The following LARP4B variants were observed in gnomAD, a reference collection of about 807,000 sequenced individuals.
LARP4B encodes la-related protein 4B.
LARP4B carries 12 observed loss-of-function variants against 89.8 expected under a neutral mutation model. The ratio of observed to expected loss-of-function variants is 0.13; its 90% CI spans 0.09 to 0.22. The LOEUF (loss-of-function observed/expected upper bound fraction) is 0.22. LARP4B is among the 10% of genes least tolerant of loss of function. The pLI is 1.00. For missense variants in LARP4B, 757 were observed against 947.7 expected (o/e 0.80, Z 2.64); for synonymous variants, 367 against 363.3 (o/e 1.01, Z -0.12).
At chr10:916,415 G>C (rs1836824061) in intron 1 of LARP4B, among the ~76,000 whole-genome samples, 1 of 152,038 alleles carries the variant, frequency 6.6e-6, no homozygotes, top group Non-Finnish European at 1.5e-5. Flanking sequence ...CAAGGTCTTG[G>C]CTGGGCGCGA....
intron 1 of LARP4B, among the ~76,000 whole-genome samples, chr10:915,526 C>T (rs537112727): frequency 9.7e-4 from 148 of 151,916 alleles, no homozygotes; most frequent in Non-Finnish European, 3.4e-4. Context: ...TTTTTTTGGC[C>T]GGGTGCAGTG....
chr10:877,657 G>A (rs1224423541), intron 3 of LARP4B, among the ~76,000 whole-genome samples: 2 of 152,152 alleles, frequency 1.3e-5, no homozygotes, highest in African/African-American at 2.4e-5. Context: ...GGTAAGACAG[G>A]TGTAGGGCTA....
intron 1 of LARP4B, among the ~76,000 whole-genome samples, chr10:890,913 A>G (rs1275455999): frequency 6.6e-6 from 1 of 152,178 alleles, no homozygotes; most frequent in African/African-American, 2.4e-5. Context: ...GAAATCCAGA[A>G]ACTAAAGACA....
rs1349581592 is a variant in LARP4B, at chr10:814,545, A to G, written c.1929+197T>C. 1 of 1,234,896 alleles carries G rather than the reference A, an allele frequency of 8.1e-7. No individual in the cohort carries two copies. Among genetic ancestry groups the G allele is most frequent in the Non-Finnish European group, 1.1e-6 (1 of 870,550 alleles). 76.5% of individuals were successfully genotyped at this position (1,234,896 alleles called of 1,614,324 possible). ...AAAGGACTACATGGTGGTCTGAGAA[A>G]GAACTAGAGTAGTTAGTGGAAAATT... On this transcript the variant is annotated intron_variant, in intron 17 of 17. Coordinates refer to ENST00000316157, the MANE Select transcript of LARP4B (RefSeq NM_015155.3). This position sits in a 1 kb window ranked among gnomAD's most constrained non-coding sequence, Gnocchi z 4.4.
the LARP4B span, chr10:971,259 G>A: frequency 1.3e-5 from 2 of 152,032 alleles, no homozygotes; most frequent in Admixed American, 6.6e-5. Context: ...AATTATTTTT[G>A]TCACTCTTAG....
the LARP4B span, among the ~76,000 whole-genome samples, chr10:984,862 G>A: frequency 2.6e-5 from 4 of 152,162 alleles, no homozygotes; most frequent in Non-Finnish European, 4.4e-5. Flanking sequence ...AACCTGGGAG[G>A]TGGAGGTTGC....
At chr10:983,518 C>G in the LARP4B span, among the ~76,000 whole-genome samples, 3 of 152,190 alleles carry the variant, frequency 2.0e-5, no homozygotes, top group Admixed American at 6.5e-5. Context: ...CTGGTGCAGC[C>G]TCTTCCTGGC....
chr10:987,125 G>C, the LARP4B span: 1 of 145,920 alleles, frequency 6.9e-6, no homozygotes, highest in African/African-American at 2.4e-5. Context: ...GCATAGCTTT[G>C]CTAATCTCGG....
chr10:900,418 G>GTGTTTTTTTTT (rs1265812633), intron 1 of LARP4B, among the ~76,000 whole-genome samples: 1 of 40,452 alleles, frequency 2.5e-5, no homozygotes, highest in African/African-American at 9.7e-5. Flanking sequence ...AAAGAAGGAT[G>GTGTTTTTTTTT]TCTTTTTTTT....
At chr10:937,872 T>C in the LARP4B span, among the ~76,000 whole-genome samples, 1 of 152,020 alleles carries the variant, frequency 6.6e-6, no homozygotes, top group Admixed American at 6.6e-5. Flanking sequence ...TTTTATTTTA[T>C]TTTATTTATT....
intron 1 of LARP4B, among the ~76,000 whole-genome samples, chr10:915,990 T>C (rs1474200388): frequency 2.0e-5 from 3 of 152,194 alleles, no homozygotes; most frequent in African/African-American, 7.2e-5. Flanking sequence ...TAAAATTAAG[T>C]CTTTTCCAAA....
chr10:984,379 T>C, the LARP4B span, among the ~76,000 whole-genome samples: 1 of 152,248 alleles, frequency 6.6e-6, no homozygotes, highest in African/African-American at 2.4e-5. Flanking sequence ...ACAAATCTTC[T>C]CTAGGAAAAG....
chr10:981,880 A>G, the LARP4B span, among the ~76,000 whole-genome samples: 69 of 152,214 alleles, frequency 4.5e-4, no homozygotes, highest in African/African-American at 1.5e-3. Context: ...ACTGTTTTCA[A>G]TGAGACTGTT....
the LARP4B span, among the ~76,000 whole-genome samples, chr10:975,411 G>A: frequency 6.6e-6 from 1 of 152,190 alleles, no homozygotes; most frequent in Non-Finnish European, 1.5e-5. Flanking sequence ...ATTCAGTTGC[G>A]ATTCACTAAA....
chr10:863,721 T>G (rs1313363373), intron 5 of LARP4B, 22 bp downstream of exon 5: 1 of 1,568,326 alleles, frequency 6.4e-7, no homozygotes, highest in Non-Finnish European at 8.6e-7. Context: ...CCTGGGAAAA[T>G]GCACCCATAA....
At chr10:878,013 G>GT (rs889755720) in intron 3 of LARP4B, among the ~76,000 whole-genome samples, 1 of 152,222 alleles carries the variant, frequency 6.6e-6, no homozygotes, top group Non-Finnish European at 1.5e-5. Context: ...ACTGAGAAAG[G>GT]TAAGAGCATA....
rs915237393 is a variant in LARP4B, at chr10:895,492, C to A, written c.-39-9732G>T. ...GTAGGGAGATCACATGAAGTCAGTT[C>A]AAGTCCAACCTGCCTAACCAGGCTG... On this transcript the variant is annotated intron_variant, in intron 1 of 17. Transcript: ENST00000316157. Among the ~76,000 whole-genome samples, 4 of 151,566 alleles carry A rather than the reference C, an allele frequency of 2.6e-5. No individual in the cohort carries two copies. In the South Asian group the frequency reaches 8.3e-4, roughly 32 times the overall value.
At chr10:913,681 G>A (rs898418324) in intron 1 of LARP4B, among the ~76,000 whole-genome samples, 14 of 152,174 alleles carry the variant, frequency 9.2e-5, no homozygotes, top group Admixed American at 6.5e-5. Flanking sequence ...AGTGGCTCAC[G>A]CCTGTAATCC....
At position 834,872 on chromosome 10, in the gene LARP4B, C is replaced by T. The variant is rs552734755; in HGVS notation, c.750+1531G>A. The stretch of plus-strand genomic sequence containing the variant: ...CATAAGAAATATGCTGGTCCTCGGC[C>T]GGGCGCGGTGGCTCACACCTGTAAT... On this transcript the variant is annotated intron_variant, in intron 8 of 17. Transcript: ENST00000316157. 5.3e-5 allele frequency among the ~76,000 whole-genome samples: 8 copies of T among 151,856 alleles called. No homozygotes were observed. The South Asian group carries it at 6.3e-4, about 12-fold the overall frequency.
Sources: allele counts gnomAD v4.1 joint callset (sites outside exome capture counted in the v4.1 genomes callset), GRCh38; gene constraint gnomAD v4.1.1; non-coding constraint Gnocchi (gnomAD v3.1); transcripts MANE v1.5; gene names NCBI Gene and HGNC (gene_info 2026-07-23, HGNC 2026-07-21).